Variants in TRA2A observed in about 807,000 individuals in gnomAD.
TRA2A encodes the protein transformer-2 protein homolog alpha.
TRA2A carries 31 observed loss-of-function variants against 45.7 expected under a neutral mutation model. The observed-to-expected ratio is 0.68, with a 90% CI of 0.51 to 0.92. TRA2A has a LOEUF of 0.92. Ranked by LOEUF, TRA2A falls within the 40% of genes least tolerant of loss-of-function variation. The pLI is 0.00. For missense variants in TRA2A, 304 were observed against 367.5 expected (o/e 0.83, Z 1.41); for synonymous variants, 132 against 126.2 (o/e 1.05, Z -0.31).
At chr7:23,516,937 G>A (rs912196916) in intron 2 of TRA2A, among the ~76,000 whole-genome samples, 6 of 149,964 alleles carry the variant, frequency 4.0e-5, no homozygotes, top group South Asian at 2.1e-4. Context: ...TTGAAACCTC[G>A]TCTCTACTAA....
chr7:23,529,317 G>A (rs1790468489), intron 1 of TRA2A, among the ~76,000 whole-genome samples: 1 of 152,122 alleles, frequency 6.6e-6, no homozygotes, highest in Non-Finnish European at 1.5e-5. Flanking sequence ...TCATTCTGTT[G>A]CCTAGACTGG....
intron 1 of TRA2A, among the ~76,000 whole-genome samples, chr7:23,530,595 TCTA>T (rs1790534411): frequency 1.3e-5 from 2 of 152,348 alleles, no homozygotes; most frequent in East Asian, 3.9e-4. Context: ...CGAACTCACT[TCTA>T]CTAACTCACT....
chr7:23,514,656 C>T (rs1789776228), intron 3 of TRA2A, among the ~76,000 whole-genome samples: 1 of 151,850 alleles, frequency 6.6e-6, no homozygotes, highest in African/African-American at 2.4e-5. Context: ...GTTTACTGGC[C>T]TGATCATGGC....
chr7:23,506,735 T>C (rs1053440525), intron 5 of TRA2A, among the ~76,000 whole-genome samples: 5 of 152,216 alleles, frequency 3.3e-5, no homozygotes, highest in African/African-American at 1.2e-4. Flanking sequence ...CCTTCTTTTA[T>C]TCCCAAGAAA....
At chr7:23,520,140 C>G (rs534869421) in intron 2 of TRA2A, among the ~76,000 whole-genome samples, 3 of 152,276 alleles carry the variant, frequency 2.0e-5, no homozygotes, top group South Asian at 4.1e-4. Flanking sequence ...TGCTTGAACC[C>G]GGGAGGTGGA....
chr7:23,528,354 C>T (rs1584148085), intron 1 of TRA2A, among the ~76,000 whole-genome samples: 1 of 151,902 alleles, frequency 6.6e-6, no homozygotes, highest in Non-Finnish European at 1.5e-5. Context: ...ACTACAGACG[C>T]GCGCCACCAC....
intron 4 of TRA2A, among the ~76,000 whole-genome samples, chr7:23,510,887 C>A (rs1184752956): frequency 6.6e-6 from 1 of 151,720 alleles, no homozygotes; most frequent in Non-Finnish European, 1.5e-5. Flanking sequence ...CATTAAACTG[C>A]CTGTGACATA....
intron 6 of TRA2A, 148 bp from the exon 7 acceptor site, chr7:23,505,961 A>G (rs1041029324): frequency 2.4e-5 from 17 of 696,820 alleles, no homozygotes; most frequent in African/African-American, 3.6e-5. Context: ...TGAGACCAGA[A>G]AAGTATATAG....
intron 1 of TRA2A, among the ~76,000 whole-genome samples, chr7:23,523,591 C>T (rs1003679639): frequency 2.6e-5 from 4 of 152,222 alleles, no homozygotes; most frequent in Non-Finnish European, 5.9e-5. Context: ...TGTACAAATG[C>T]CACCTGGTCA....
At chr7:23,512,481 C>T (rs1409257737) in intron 4 of TRA2A, among the ~76,000 whole-genome samples, 2 of 151,382 alleles carry the variant, frequency 1.3e-5, no homozygotes, top group African/African-American at 2.4e-5. Context: ...TTTTTTGAGA[C>T]GGAGTCTCAC....
At chr7:23,521,915 T>C in intron 1 of TRA2A, 75 bp from the exon 2 acceptor site, 2 of 1,577,740 alleles carry the variant, frequency 1.3e-6, no homozygotes, top group Non-Finnish European at 1.7e-6. Context: ...AGTACCGTAA[T>C]TATTTATATT....
Position 23,512,921 on chromosome 7 carries a change from A to G in TRA2A, c.498T>C (p.Tyr166=), listed in dbSNP as rs1198133582. 3 of 1,613,658 alleles carry G rather than the reference A, an allele frequency of 1.9e-6. No homozygotes were observed. Among genetic ancestry groups the G allele is most frequent in the Non-Finnish European group, 2.5e-6 (3 of 1,179,802 alleles). The change falls in exon 4 of 8, where the codon TAT becomes TAC. Residue 166 remains tyrosine (Y), a synonymous_variant. Coordinates refer to ENST00000297071, the MANE Select transcript of TRA2A (RefSeq NM_013293.5). ...CCTTTGAGTCATCTATTCTCTCAAAATACACAAAAGCAAATCCTCGAGATC... is the reference window on the plus strand; with the variant it reads ...CCTTTGAGTCATCTATTCTCTCAAAGTACACAAAAGCAAATCCTCGAGATC... The part of the protein sequence containing the change: ...TGRSRGFAFV[Y]FERIDDSKEA...
At chr7:23,516,174 T>C (rs1789860888) in intron 3 of TRA2A, among the ~76,000 whole-genome samples, 189 bp downstream of exon 3, 1 of 152,198 alleles carries the variant, frequency 6.6e-6, no homozygotes, top group Non-Finnish European at 1.5e-5. Flanking sequence ...GCATTCTTTG[T>C]CATAAAACAT....
chr7:23,531,536 G>T, intron 1 of TRA2A: 1 of 573,142 alleles, frequency 1.7e-6, no homozygotes, highest in Non-Finnish European at 3.1e-6. Context: ...GAAGCAATGC[G>T]GGGGCGGGGA....
chr7:23,521,519 G>A (rs967347920), intron 2 of TRA2A, among the ~76,000 whole-genome samples, 188 bp downstream of exon 2: 3 of 152,032 alleles, frequency 2.0e-5, no homozygotes, highest in Non-Finnish European at 4.4e-5. Flanking sequence ...ATGCAGCCTG[G>A]AACTCCTGGG....
intron 4 of TRA2A, among the ~76,000 whole-genome samples, chr7:23,512,256 T>C (rs752329807): frequency 6.6e-5 from 10 of 151,984 alleles, no homozygotes; most frequent in Non-Finnish European, 1.3e-4. Context: ...AAACCCAGCA[T>C]TCTGGGAGGA....
intron 2 of TRA2A, among the ~76,000 whole-genome samples, chr7:23,519,786 T>C (rs1790051014): frequency 6.6e-6 from 1 of 151,988 alleles, no homozygotes; most frequent in African/African-American, 2.4e-5. Context: ...ACACAATAGG[T>C]GAACAATAAC....
At chr7:23,531,190 A>G (rs1790566388) in intron 1 of TRA2A, 13 of 985,766 alleles carry the variant, frequency 1.3e-5, no homozygotes, top group Non-Finnish European at 1.6e-5. Context: ...CCACTTCATT[A>G]GGCTCGTCCC....
At chr7:23,524,473 C>T (rs557494731) in intron 1 of TRA2A, among the ~76,000 whole-genome samples, 46 of 152,150 alleles carry the variant, frequency 3.0e-4, no homozygotes, top group African/African-American at 9.4e-4. Context: ...TGTGAGCCAC[C>T]GCGCCCGGCC....
Sources: gnomAD v4.1 joint callset for allele counts (sites outside exome capture counted in the v4.1 genomes callset) on GRCh38, gnomAD v4.1.1 for gene constraint, MANE v1.5 for transcripts, NCBI Gene and HGNC (gene_info 2026-07-23, HGNC 2026-07-21) for gene names.